The following STX3 variants were observed in gnomAD, a reference collection of about 807,000 sequenced individuals.
STX3 encodes syntaxin 3.
In STX3, 19 loss-of-function variants were observed where a neutral mutation model predicts 40.2. The ratio of observed to expected loss-of-function variants is 0.47; its 90% CI spans 0.33 to 0.69. The LOEUF is 0.69. Ranked by LOEUF, STX3 falls within the 30% of genes least tolerant of loss-of-function variation. The pLI, the probability that STX3 is intolerant of heterozygous loss-of-function variation, is 0.02. For missense variants in STX3, 364 were observed against 366.7 expected (o/e 0.99, Z 0.06); for synonymous variants, 122 against 132.2 (o/e 0.92, Z 0.53).
intron 2 of STX3, among the ~76,000 whole-genome samples, chr11:59,782,289 G>T (rs1384492757): frequency 6.6e-6 from 1 of 152,218 alleles, no homozygotes. Flanking sequence ...GGTGGCTACT[G>T]ATGAGGTCAG....
chr11:59,791,040 G>C (rs199893670), intron 5 of STX3, among the ~76,000 whole-genome samples: 2 of 152,310 alleles, frequency 1.3e-5, no homozygotes, highest in East Asian at 1.9e-4. Context: ...GCAGGAGGAT[G>C]CGATAAGAAG....
At chr11:59,777,905 C>T (rs889691797) in intron 2 of STX3, among the ~76,000 whole-genome samples, 1 of 152,166 alleles carries the variant, frequency 6.6e-6, no homozygotes, top group African/African-American at 2.4e-5. Context: ...AAGACTTGAA[C>T]AACTGCAGGC....
intron 1 of STX3, among the ~76,000 whole-genome samples, chr11:59,758,729 G>A (rs1590741531): frequency 2.0e-5 from 3 of 152,212 alleles, no homozygotes; most frequent in South Asian, 4.1e-4. Context: ...CCTATCCCAG[G>A]ACATGGTTTT....
intron 4 of STX3, 105 bp downstream of exon 4, chr11:59,789,052 CA>C: frequency 1.0e-6 from 1 of 983,792 alleles, no homozygotes; most frequent in Non-Finnish European, 1.5e-6. Context: ...GAAGTGACAC[CA>C]CTTGGTCCAT....
chr11:59,789,054 C>G, intron 4 of STX3, 107 bp downstream of exon 4: 1 of 953,056 alleles, frequency 1.0e-6, no homozygotes, highest in South Asian at 1.5e-5. Flanking sequence ...AGTGACACCA[C>G]TTGGTCCATC....
At chr11:59,797,479 TC>T in intron 10 of STX3, 83 bp downstream of exon 10, 1 of 1,018,200 alleles carries the variant, frequency 9.8e-7, no homozygotes, top group South Asian at 1.4e-5. Flanking sequence ...TCCTCTTCTT[TC>T]CCCCTATGAT....
chr11:59,764,606 C>G (rs1222406450), intron 1 of STX3, among the ~76,000 whole-genome samples: 2 of 151,990 alleles, frequency 1.3e-5, no homozygotes, highest in Non-Finnish European at 2.9e-5. Context: ...TTGTGGTATC[C>G]CCTGAAATAA....
chr11:59,778,199 T>C (rs1286691121), intron 2 of STX3, among the ~76,000 whole-genome samples: 1 of 152,134 alleles, frequency 6.6e-6, no homozygotes. Context: ...GAGCGGTACA[T>C]AGGTCCCACC....
At chr11:59,779,037 C>T (rs1374269438) in intron 2 of STX3, among the ~76,000 whole-genome samples, 2 of 152,040 alleles carry the variant, frequency 1.3e-5, no homozygotes, top group African/African-American at 4.8e-5. Flanking sequence ...GGGGTTTCAC[C>T]ATGTTGGTCA....
chr11:59,802,486 ATCC>A lies in STX3; in HGVS notation c.*1665_*1667del. 1 of 985,870 alleles carries A rather than the reference ATCC, an allele frequency of 1.0e-6. No homozygotes were observed. The highest frequency in any genetic ancestry group is 1.2e-6 in the Non-Finnish European group (1 of 829,936). The allele number at this position is 985,870 out of a possible 1,614,324, so 61.1% of individuals were successfully genotyped here. On this transcript the variant is annotated 3_prime_UTR_variant, in exon 11 of 11. Coordinates refer to ENST00000337979, the MANE Select transcript of STX3 (RefSeq NM_004177.5). The stretch of plus-strand genomic sequence containing the variant: ...AGCACTCAGACAGAGCCAAGGCAAT[ATCC>A]TCTTGCCCATGGCTATGATGTCAGA...
intron 2 of STX3, among the ~76,000 whole-genome samples, chr11:59,785,736 A>G (rs1475021345): frequency 3.3e-5 from 5 of 152,144 alleles, no homozygotes; most frequent in Non-Finnish European, 7.4e-5. Flanking sequence ...ATTGAGTTTT[A>G]TTTTTGTTGC....
At position 59,778,397 on chromosome 11, in the gene STX3, G is replaced by T. The variant is rs140459595; in HGVS notation, c.114+5103G>T. ...GGATAGCACTGGGTCACATGGTGTG[G>T]GCCTCCTTAGCTGGAAGGGACACCA... is the stretch of plus-strand genomic sequence containing the variant. On this transcript the variant is annotated intron_variant, in intron 2 of 10. Transcript: ENST00000337979. Among the ~76,000 whole-genome samples, 8 of 152,228 alleles carry T rather than the reference G, an allele frequency of 5.3e-5. No homozygotes were observed. In the East Asian group the frequency reaches 1.5e-3, roughly 29 times the overall value.
At chr11:59,779,824 CT>C in intron 2 of STX3, among the ~76,000 whole-genome samples, 1 of 152,114 alleles carries the variant, frequency 6.6e-6, no homozygotes. Flanking sequence ...GGTGACCAGT[CT>C]TGAAGCATAT....
At chr11:59,791,925 C>T (rs149198321) in intron 5 of STX3, among the ~76,000 whole-genome samples, 182 bp from the exon 6 acceptor site, 72 of 152,280 alleles carry the variant, frequency 4.7e-4, no homozygotes, top group Admixed American at 2.7e-3. Flanking sequence ...TGAAACCATG[C>T]TCTGGAAAGG....
chr11:59,794,485 C>CGAGG (rs967173258), intron 8 of STX3, among the ~76,000 whole-genome samples: 16 of 152,268 alleles, frequency 1.1e-4, no homozygotes, highest in Admixed American at 9.8e-4. Flanking sequence ...GGTTCCCTGC[C>CGAGG]GAGGGCCTGG....
At chr11:59,796,766 C>T (rs887865020) in intron 9 of STX3, among the ~76,000 whole-genome samples, 6 of 152,088 alleles carry the variant, frequency 3.9e-5, no homozygotes, top group African/African-American at 1.4e-4. Flanking sequence ...TGAGAGAGGC[C>T]CCATATTTCC....
At chr11:59,781,942 G>A (rs867519480) in intron 2 of STX3, among the ~76,000 whole-genome samples, 3 of 152,158 alleles carry the variant, frequency 2.0e-5, no homozygotes, top group Non-Finnish European at 4.4e-5. Flanking sequence ...TTTTCAATAC[G>A]TAAATATGCA....
chr11:59,788,846 G>A lies in STX3; in HGVS notation c.215-27G>A, dbSNP rs374841861. 1.1e-4 allele frequency: 180 copies of A among 1,602,268 alleles called. No homozygotes were observed. In the African/African-American group the frequency reaches 1.8e-3, roughly 16 times the overall value. On this transcript the variant is annotated intron_variant, in intron 3 of 10. Transcript: ENST00000337979. ...AGGAATCAGTCCTCTCCTTTCTAACGGATTCTGCCTGCCTTTATTTACCCA... is the reference window on the plus strand; with the variant it reads ...AGGAATCAGTCCTCTCCTTTCTAACAGATTCTGCCTGCCTTTATTTACCCA...
At position 59,771,658 on chromosome 11, in the gene STX3, G is replaced by A. The variant is rs377494482; in HGVS notation, c.31-1553G>A. Among the ~76,000 whole-genome samples the A allele has an allele frequency of 2.0e-4, 31 of 152,220 alleles. No homozygotes were observed. In the South Asian group the frequency reaches 6.0e-3, roughly 29 times the overall value. ...TCAGCAGAACTCCCTGTGTGATAGA[G>A]TGATCTAAAAGAATGGTGTGTCCAG... On this transcript the variant is annotated intron_variant, in intron 1 of 10. Transcript: ENST00000337979.
Sources: gnomAD v4.1 joint callset for allele counts (sites outside exome capture counted in the v4.1 genomes callset) on GRCh38, gnomAD v4.1.1 for gene constraint, MANE v1.5 for transcripts, NCBI Gene and HGNC (gene_info 2026-07-23, HGNC 2026-07-21) for gene names.